Variants in LMO7 observed in about 807,000 individuals in gnomAD.
The protein encoded by LMO7 is LIM domain 7.
A neutral mutation model predicts 206.5 loss-of-function variants in LMO7; 120 were observed. The observed-to-expected ratio is 0.58, with a 90% CI of 0.50 to 0.68. LMO7 has a LOEUF of 0.68. Ranked by LOEUF, LMO7 falls within the 30% of genes least tolerant of loss-of-function variation. The pLI is 0.00. For synonymous variants in LMO7, 706 were observed against 681.5 expected, an observed-to-expected ratio of 1.04 and a Z score of -0.56; for missense variants, 1,959 against 1,957.9, an observed-to-expected ratio of 1.00 and a Z score of -0.01.
At chr13:75,622,749 G>A (rs1478235183) in intron 1 of LMO7, among the ~76,000 whole-genome samples, 2 of 152,168 alleles carry the variant, frequency 1.3e-5, no homozygotes, top group Admixed American at 1.3e-4. Context: ...TGCATAAGAA[G>A]ATTTTATTGT....
intron 3 of LMO7, among the ~76,000 whole-genome samples, chr13:75,757,991 C>T (rs150932540): frequency 6.6e-4 from 101 of 152,146 alleles, no homozygotes; most frequent in African/African-American, 2.4e-3. Flanking sequence ...TTGGGCTCCT[C>T]TTCTTTTGCA....
chr13:75,747,938 T>G (rs901620185), intron 3 of LMO7, among the ~76,000 whole-genome samples: 3 of 152,102 alleles, frequency 2.0e-5, no homozygotes, highest in African/African-American at 7.2e-5. Context: ...GGGATCCTCA[T>G]GTATAGGGAC....
At chr13:75,793,264 C>T (rs926156812) in intron 4 of LMO7, among the ~76,000 whole-genome samples, 11 of 152,082 alleles carry the variant, frequency 7.2e-5, no homozygotes, top group African/African-American at 1.9e-4. Context: ...AGTTAAAGTG[C>T]TGGGTTTTTG....
intron 3 of LMO7, among the ~76,000 whole-genome samples, chr13:75,740,884 T>C (rs1034916481): frequency 6.6e-6 from 1 of 152,242 alleles, no homozygotes; most frequent in African/African-American, 2.4e-5. Context: ...TTTTGTTTTT[T>C]GGTACATTAG....
rs1303378780 is a variant in LMO7, at chr13:75,781,180, G to C, written c.318-14221G>C. On this transcript the variant is annotated intron_variant, in intron 4 of 30. Coordinates refer to ENST00000377534, the MANE Select transcript of LMO7 (RefSeq NM_001306080.2). ...TTAGGGTACATGTGCACATTGTGCA[G>C]GTTAGCTACATATGTATACATGTGC... Among the ~76,000 whole-genome samples the C allele has an allele frequency of 1.0e-4, 14 of 140,364 alleles. No homozygotes were observed. In the Admixed American group the frequency reaches 1.1e-3, roughly 11 times the overall value. The allele number at this position is 140,364 out of a possible 152,430, so 92.1% of individuals were successfully genotyped here. A position where few individuals can be genotyped will look rare whatever the true frequency, so the allele number is the denominator to read the frequency against.
At chr13:75,663,908 A>G (rs1294809864) in intron 1 of LMO7, among the ~76,000 whole-genome samples, 1 of 152,138 alleles carries the variant, frequency 6.6e-6, no homozygotes, top group Non-Finnish European at 1.5e-5. Flanking sequence ...TTTTATACAG[A>G]CATGTAATGT....
intron 7 of LMO7, 70 bp from the exon 8 acceptor site, chr13:75,804,219 G>GC: frequency 2.0e-6 from 3 of 1,493,556 alleles, no homozygotes; most frequent in Non-Finnish European, 2.7e-6. Flanking sequence ...GACAAAGCAG[G>GC]CGCGCTGTGT....
intron 15 of LMO7, among the ~76,000 whole-genome samples, chr13:75,828,010 A>T (rs954690053): frequency 6.6e-6 from 1 of 152,126 alleles, no homozygotes; most frequent in Non-Finnish European, 1.5e-5. Flanking sequence ...ACAATCCTAC[A>T]TTTCTCACTG....
chr13:75,853,384 A>T lies in LMO7; in HGVS notation c.4657A>T (p.Asn1553Tyr). 1 of 1,597,852 alleles carries T rather than the reference A, an allele frequency of 6.3e-7. No individual in the cohort carries two copies. Among genetic ancestry groups the T allele is most frequent in the East Asian group, 2.2e-5 (1 of 44,594 alleles). The change falls in exon 28 of 31, where the codon AAC becomes TAC. Residue 1553 changes from asparagine (N) to tyrosine (Y), a missense_variant. Physicochemically the swap from Asn to Tyr is moderately radical, Grantham distance 143 (BLOSUM62 -2). Transcript: ENST00000377534. Reference protein sequence around the residue: ...SASQSGSQLRNRSVSGKRICS... With the variant: ...SASQSGSQLRYRSVSGKRICS... ...TTCACAGTCAGGCTCTCAGCTGCGT[A>T]ACAGGTGAGGCCCTTGCTGTTTCTC...
At chr13:75,808,487 A>C (rs1394876902) in intron 10 of LMO7, among the ~76,000 whole-genome samples, 1 of 152,122 alleles carries the variant, frequency 6.6e-6, no homozygotes, top group Admixed American at 6.5e-5. Context: ...ACCAATATGA[A>C]GTTTCTGGAC....
At chr13:75,657,477 C>T (rs1409412179) in intron 1 of LMO7, among the ~76,000 whole-genome samples, 1 of 152,074 alleles carries the variant, frequency 6.6e-6, no homozygotes, top group African/African-American at 2.4e-5. Context: ...AGCAAAGGAA[C>T]ACCTGAAGCA....
chr13:75,770,625 G>A (rs1291799152), intron 4 of LMO7, among the ~76,000 whole-genome samples: 1 of 152,130 alleles, frequency 6.6e-6, no homozygotes, highest in Non-Finnish European at 1.5e-5. Context: ...CTAAGGGAAT[G>A]CTGGATTTGG....
chr13:75,623,357 A>G, intron 2 of LMO7: 1 of 1,128,918 alleles, frequency 8.9e-7, no homozygotes. Context: ...CAGAATCAGA[A>G]AGGCCAAAGC....
chr13:75,680,296 C>T lies in LMO7; in HGVS notation c.70-32886C>T, dbSNP rs548933543. ...ACCACATTTTCTTTATCCAGTCTAT[C>T]ATTGATGGGCATTTGGGTTGATTCC... On this transcript the variant is annotated intron_variant, in intron 1 of 30. Coordinates refer to ENST00000377534, the MANE Select transcript of LMO7 (RefSeq NM_001306080.2). Among the ~76,000 whole-genome samples the T allele has an allele frequency of 2.4e-3, 369 of 152,306 alleles. 1 individual carries two copies. Among genetic ancestry groups the T allele is most frequent in the Non-Finnish European group, 4.3e-3 (290 of 68,012 alleles).
intron 10 of LMO7, among the ~76,000 whole-genome samples, chr13:75,808,711 G>T (rs2055895284): frequency 6.6e-6 from 1 of 152,160 alleles, no homozygotes; most frequent in African/African-American, 2.4e-5. Context: ...AGTAAACGTT[G>T]ATGTTAAAAT....
intron 3 of LMO7, among the ~76,000 whole-genome samples, chr13:75,728,450 C>T (rs1349258413): frequency 9.5e-4 from 140 of 146,642 alleles, no homozygotes; most frequent in Non-Finnish European, 1.6e-3. Flanking sequence ...CCATGTCCTT[C>T]GCCCACTTTT....
rs531940690 is a variant in LMO7, at chr13:75,711,711, A to T, written c.70-1471A>T. On this transcript the variant is annotated intron_variant, in intron 1 of 30. Coordinates refer to ENST00000377534, the MANE Select transcript of LMO7 (RefSeq NM_001306080.2). ...CGTCTTCTGCGTCGCTCACGCTGGG[A>T]GCTGTAGACTGGAGCTGTTCCTATT... 9.2e-5 allele frequency among the ~76,000 whole-genome samples: 14 copies of T among 152,272 alleles called. No homozygotes were observed. The South Asian group carries it at 2.9e-3, about 32-fold the overall frequency.
At chr13:75,856,678 G>A (rs2060987680) in intron 30 of LMO7, 70 bp downstream of exon 30, 1 of 883,592 alleles carries the variant, frequency 1.1e-6, no homozygotes, top group Non-Finnish European at 1.9e-6. Context: ...GCATTTCCCT[G>A]AACCTGCAGC....
At chr13:75,803,493 G>T (rs1365355730) in intron 7 of LMO7, among the ~76,000 whole-genome samples, 1 of 152,138 alleles carries the variant, frequency 6.6e-6, no homozygotes, top group South Asian at 2.1e-4. Context: ...CTGTAGTGTT[G>T]TTCTCCCCCC....
Sources: allele counts gnomAD v4.1 joint callset (sites outside exome capture counted in the v4.1 genomes callset), GRCh38; gene constraint gnomAD v4.1.1; transcripts MANE v1.5; gene names NCBI Gene and HGNC (gene_info 2026-07-23, HGNC 2026-07-21).